Variants in NEGR1 observed in about 807,000 individuals in gnomAD.
NEGR1 encodes neuronal growth regulator 1, also known as IgLON family member 4.
In NEGR1, 10 loss-of-function variants were observed where a neutral mutation model predicts 40.9. That is an observed-to-expected ratio of 0.24 (90% CI 0.15 to 0.42). The LOEUF is 0.42. Ranked by LOEUF, NEGR1 falls within the 10% of genes least tolerant of loss-of-function variation. NEGR1 has a pLI of 1.00. For synonymous variants in NEGR1, 185 were observed against 166.8 expected, an observed-to-expected ratio of 1.11 and a Z score of -0.84; for missense variants, 352 against 438.9, an observed-to-expected ratio of 0.80 and a Z score of 1.77.
At chr1:71,770,270 T>G (rs1005393236) in intron 3 of NEGR1, among the ~76,000 whole-genome samples, 1 of 152,198 alleles carries the variant, frequency 6.6e-6, no homozygotes, top group Non-Finnish European at 1.5e-5. Flanking sequence ...ATATTTTTCT[T>G]ACTAGTTCTG....
chr1:71,906,385 T>C (rs1197164621), intron 2 of NEGR1, among the ~76,000 whole-genome samples: 2 of 151,062 alleles, frequency 1.3e-5, no homozygotes, highest in African/African-American at 2.4e-5. Flanking sequence ...TAAAACGCTA[T>C]TGAAATAAAA....
At chr1:72,108,715 G>C (rs1649234786) in intron 1 of NEGR1, among the ~76,000 whole-genome samples, 1 of 151,428 alleles carries the variant, frequency 6.6e-6, no homozygotes, top group Non-Finnish European at 1.5e-5. Flanking sequence ...CAGATATCTT[G>C]ACCTCCTTAG....
intron 1 of NEGR1, among the ~76,000 whole-genome samples, chr1:72,243,646 G>GA (rs988308777): frequency 2.6e-5 from 4 of 151,384 alleles, no homozygotes; most frequent in Admixed American, 6.6e-5. Flanking sequence ...TATAATGAGT[G>GA]AAAAAACAAA....
rs573848704 is a variant in NEGR1 at position 71,646,574 on chromosome 1, C to T, written c.668-35428G>A. Among the ~76,000 whole-genome samples, 384 of 151,766 alleles carry T rather than the reference C, an allele frequency of 2.5e-3. 1 individual carries two copies. Among genetic ancestry groups the T allele is most frequent in the African/African-American group, 8.1e-3 (335 of 41,490 alleles). On this transcript the variant is annotated intron_variant, in intron 4 of 6. Coordinates refer to ENST00000357731, the MANE Select transcript of NEGR1 (RefSeq NM_173808.3). Reference sequence around the variant, plus strand: ...GGCTCCCCTAATTTAGAATGTGTACCAGAGAGCAAGACAATCTGTTTGAGG... The same window carrying T: ...GGCTCCCCTAATTTAGAATGTGTACTAGAGAGCAAGACAATCTGTTTGAGG...
At chr1:71,730,438 T>G (rs1654821310) in intron 3 of NEGR1, among the ~76,000 whole-genome samples, 1 of 151,508 alleles carries the variant, frequency 6.6e-6, no homozygotes, top group Non-Finnish European at 1.5e-5. Flanking sequence ...ACTTCTGGCT[T>G]GAACTAAGAT....
chr1:71,539,683 C>T (rs922977977), intron 6 of NEGR1, among the ~76,000 whole-genome samples: 4 of 151,506 alleles, frequency 2.6e-5, no homozygotes, highest in South Asian at 2.1e-4. Flanking sequence ...AGAAAAGATG[C>T]GTGTTTATTA....
At chr1:71,759,568 A>C (rs1291423825) in intron 3 of NEGR1, among the ~76,000 whole-genome samples, 1 of 123,824 alleles carries the variant, frequency 8.1e-6, no homozygotes. Context: ...AAGTGCTAAG[A>C]TTACAGGCGT....
intron 1 of NEGR1, among the ~76,000 whole-genome samples, chr1:72,092,455 T>C (rs12140090): frequency 0.41 from 62,994 of 151,924 alleles, 14,308 homozygotes; most frequent in South Asian, 0.55. Context: ...ATTGACTTTT[T>C]TTTCTGGAAG....
chr1:71,980,939 T>A (rs1646349244), intron 1 of NEGR1, among the ~76,000 whole-genome samples: 1 of 152,140 alleles, frequency 6.6e-6, no homozygotes, highest in Non-Finnish European at 1.5e-5. Flanking sequence ...TATCTTTGTG[T>A]GATCCCTTCA....
chr1:71,728,772 A>C (rs1654758855), intron 3 of NEGR1, among the ~76,000 whole-genome samples: 1 of 152,172 alleles, frequency 6.6e-6, no homozygotes, highest in African/African-American at 2.4e-5. Context: ...ACAGAGTTAT[A>C]CAAGGTATGT....
chr1:72,070,091 T>C lies in NEGR1; in HGVS notation c.177-134780A>G, dbSNP rs564966560. Among the ~76,000 whole-genome samples the C allele has an allele frequency of 3.9e-5, 6 of 152,170 alleles. No homozygotes were observed. The South Asian group carries it at 1.2e-3, about 32-fold the overall frequency. On this transcript the variant is annotated intron_variant, in intron 1 of 6. Coordinates refer to ENST00000357731, the MANE Select transcript of NEGR1 (RefSeq NM_173808.3). Reference sequence around the variant, plus strand: ...TTACAGACATACATTTAAGACTTTTTTAAAAAATTAATACCATTGAAAATA... The same window carrying C: ...TTACAGACATACATTTAAGACTTTTCTAAAAAATTAATACCATTGAAAATA...
At chr1:71,420,175 C>T (rs1646385413) in intron 6 of NEGR1, among the ~76,000 whole-genome samples, 1 of 152,084 alleles carries the variant, frequency 6.6e-6, no homozygotes. Flanking sequence ...ATGGTTCCTT[C>T]AGGCACAAAA....
At chr1:71,483,769 C>T (rs1316076643) in intron 6 of NEGR1, among the ~76,000 whole-genome samples, 5 of 151,724 alleles carry the variant, frequency 3.3e-5, no homozygotes, top group African/African-American at 1.2e-4. Flanking sequence ...TAAAAGGCAA[C>T]TGTCAGTAGT....
intron 6 of NEGR1, among the ~76,000 whole-genome samples, chr1:71,437,719 T>C (rs1437696056): frequency 6.6e-6 from 1 of 152,146 alleles, no homozygotes; most frequent in East Asian, 1.9e-4. Flanking sequence ...GAGGGAAGGG[T>C]ATCATTAATT....
At chr1:71,546,528 C>A (rs1326981334) in intron 6 of NEGR1, among the ~76,000 whole-genome samples, 1 of 151,680 alleles carries the variant, frequency 6.6e-6, no homozygotes, top group African/African-American at 2.4e-5. Context: ...AGTATGTATG[C>A]ATTGAGTACA....
intron 6 of NEGR1, among the ~76,000 whole-genome samples, chr1:71,454,824 G>A (rs1016327451): frequency 6.6e-6 from 1 of 152,130 alleles, no homozygotes; most frequent in African/African-American, 2.4e-5. Flanking sequence ...AATGCAAAAA[G>A]TCTTTATAAA....
At chr1:72,102,886 T>C (rs1207960777) in intron 1 of NEGR1, among the ~76,000 whole-genome samples, 2 of 152,066 alleles carry the variant, frequency 1.3e-5, no homozygotes, top group Non-Finnish European at 2.9e-5. Context: ...AGCAGTAAAG[T>C]AGCACATGAA....
At chr1:72,028,920 T>C (rs912309799) in intron 1 of NEGR1, among the ~76,000 whole-genome samples, 2 of 152,194 alleles carry the variant, frequency 1.3e-5, no homozygotes, top group Non-Finnish European at 2.9e-5. Flanking sequence ...CTCAATATAC[T>C]GTTTAGTGAA....
At chr1:71,872,605 C>G (rs1301107557) in intron 2 of NEGR1, among the ~76,000 whole-genome samples, 1 of 152,134 alleles carries the variant, frequency 6.6e-6, no homozygotes. Flanking sequence ...CTATTCACCA[C>G]GTTGGACATG....
Sources: gnomAD v4.1 joint callset for allele counts (sites outside exome capture counted in the v4.1 genomes callset) on GRCh38, gnomAD v4.1.1 for gene constraint, MANE v1.5 for transcripts, NCBI Gene and HGNC (gene_info 2026-07-23, HGNC 2026-07-21) for gene names.